Variants in DCC observed in about 807,000 individuals in gnomAD.
The protein encoded by DCC is netrin receptor DCC.
DCC carries 58 observed loss-of-function variants against 172.5 expected under a neutral mutation model. The ratio of observed to expected loss-of-function variants is 0.34; its 90% CI spans 0.27 to 0.42. The LOEUF (loss-of-function observed/expected upper bound fraction) is 0.42, where lower values mean the gene tolerates loss of function less well. DCC is among the 10% of genes least tolerant of loss of function. The probability of loss-of-function intolerance (pLI) is 1.00; values close to 1 mark genes in which losing one functional copy is unlikely to be tolerated. For missense variants in DCC, 1,740 were observed against 1,791.0 expected (o/e 0.97, Z 0.51); for synonymous variants, 709 against 644.5 (o/e 1.10, Z -1.52).
intron 7 of DCC, among the ~76,000 whole-genome samples, chr18:53,113,761 A>C (rs374568474): frequency 1.1e-4 from 16 of 151,500 alleles, no homozygotes; most frequent in African/African-American, 3.4e-4. Context: ...TAACAAACTA[A>C]TGGTAAATCC....
At chr18:52,856,464 A>C (rs2039054436) in intron 2 of DCC, among the ~76,000 whole-genome samples, 2 of 151,584 alleles carry the variant, frequency 1.3e-5, no homozygotes, top group Non-Finnish European at 2.9e-5. Flanking sequence ...TCTCTACTAA[A>C]AAATACAAAA....
intron 5 of DCC, among the ~76,000 whole-genome samples, chr18:52,926,790 TACAC>T (rs1462577994): frequency 6.8e-6 from 1 of 147,212 alleles, no homozygotes; most frequent in Non-Finnish European, 1.5e-5. Flanking sequence ...TCTATATATA[TACAC>T]ACACACATAT....
At chr18:53,298,114 A>G (rs975226390) in intron 12 of DCC, among the ~76,000 whole-genome samples, 2 of 152,178 alleles carry the variant, frequency 1.3e-5, no homozygotes, top group African/African-American at 4.8e-5. Flanking sequence ...AAAATTGTCA[A>G]AAACTATTAC....
chr18:53,192,534 G>A (rs902118560), intron 9 of DCC, among the ~76,000 whole-genome samples: 6 of 152,162 alleles, frequency 3.9e-5, no homozygotes, highest in Admixed American at 2.6e-4. Context: ...AGATGATCAC[G>A]AGATCTGGAG....
chr18:53,000,713 A>G (rs1290674617), intron 5 of DCC, among the ~76,000 whole-genome samples: 2 of 151,286 alleles, frequency 1.3e-5, no homozygotes, highest in African/African-American at 2.4e-5. Flanking sequence ...AGGGACAGGA[A>G]CTCAGTCAGA....
chr18:52,846,226 TGAA>T (rs1307383533), intron 2 of DCC, among the ~76,000 whole-genome samples: 2 of 152,014 alleles, frequency 1.3e-5, no homozygotes, highest in African/African-American at 2.4e-5. Context: ...AAGAGTTTAA[TGAA>T]GAAGTTCTGA....
Position 52,843,183 on chromosome 18 carries a change from T to C in DCC, c.413-62861T>C, listed in dbSNP as rs1367239363. Among the ~76,000 whole-genome samples the C allele has an allele frequency of 2.6e-5, 4 of 152,236 alleles. No individual in the cohort carries two copies. In the East Asian group the frequency reaches 7.7e-4, roughly 29 times the overall value. ...TTTTGCATATATTTGAAACAAATTA[T>C]TAGTTAAATGTATTAAAAATACAAC... On this transcript the variant is annotated intron_variant, in intron 2 of 28. Coordinates refer to ENST00000442544, the MANE Select transcript of DCC (RefSeq NM_005215.4).
At chr18:52,661,504 C>T (rs1272506690) in intron 1 of DCC, among the ~76,000 whole-genome samples, 3 of 152,174 alleles carry the variant, frequency 2.0e-5, no homozygotes, top group Non-Finnish European at 4.4e-5. Context: ...CGTCGCTATC[C>T]TCTGGGCTCT....
chr18:53,225,259 G>A (rs1260924782), intron 12 of DCC, among the ~76,000 whole-genome samples: 1 of 152,170 alleles, frequency 6.6e-6, no homozygotes, highest in Non-Finnish European at 1.5e-5. Context: ...GCTCTGAAGT[G>A]GAGTGAAGAG....
In DCC at chr18:53,307,897, GTATATATATATATATATATATA is replaced by G. The variant is rs771876514; in HGVS notation, c.2053+2210_2053+2231del. ...CTTCTGGAAAGCAATGTGTGTGTATGTATATATATATATATATATATATATATATATATATATATATATATAT... is the reference window on the plus strand; with the variant it reads ...CTTCTGGAAAGCAATGTGTGTGTATGTATATATATATATATATATATATAT... On this transcript the variant is annotated intron_variant, in intron 13 of 28. Coordinates refer to ENST00000442544, the MANE Select transcript of DCC (RefSeq NM_005215.4). Among the ~76,000 whole-genome samples the G allele has an allele frequency of 4.6e-3, 313 of 67,416 alleles. 10 individuals carry two copies. Among genetic ancestry groups the G allele is most frequent in the East Asian group, 0.03 (68 of 2,272 alleles). The allele number at this position is 67,416 out of a possible 152,430, so 44.2% of individuals were successfully genotyped here.
chr18:53,416,869 G>T (rs9807369), intron 21 of DCC, among the ~76,000 whole-genome samples: 65,358 of 151,734 alleles, frequency 0.43, 15,836 homozygotes, highest in Non-Finnish European at 0.55. Flanking sequence ...GATAAATTAG[G>T]ATTCCGTTAT....
chr18:52,975,426 A>T (rs2145594018), intron 5 of DCC, among the ~76,000 whole-genome samples: 1 of 152,162 alleles, frequency 6.6e-6, no homozygotes, highest in South Asian at 2.1e-4. Flanking sequence ...AACTTGTGTC[A>T]TGGGGGGTTG....
At chr18:52,441,061 C>T (rs1228821112) in intron 1 of DCC, among the ~76,000 whole-genome samples, 1 of 152,088 alleles carries the variant, frequency 6.6e-6, no homozygotes, top group Non-Finnish European at 1.5e-5. Flanking sequence ...TCAAGTTTGC[C>T]TTGAGGCTAT....
At chr18:52,859,451 C>T (rs1230824070) in intron 2 of DCC, among the ~76,000 whole-genome samples, 2 of 152,118 alleles carry the variant, frequency 1.3e-5, no homozygotes, top group African/African-American at 4.8e-5. Context: ...AGCTCGTATA[C>T]AATCTTGAGG....
intron 1 of DCC, among the ~76,000 whole-genome samples, chr18:52,558,455 T>A (rs2032964033): frequency 6.6e-6 from 1 of 152,192 alleles, no homozygotes; most frequent in Admixed American, 6.6e-5. Flanking sequence ...TATATTTTTC[T>A]TATTTATGGG....
intron 2 of DCC, among the ~76,000 whole-genome samples, chr18:52,843,742 G>A (rs564107779): frequency 6.6e-6 from 1 of 152,176 alleles, no homozygotes; most frequent in East Asian, 1.9e-4. Flanking sequence ...AACACATGCT[G>A]GTCATAATTG....
At chr18:52,479,880 C>T (rs768161642) in intron 1 of DCC, among the ~76,000 whole-genome samples, 3 of 152,048 alleles carry the variant, frequency 2.0e-5, no homozygotes, top group Admixed American at 6.6e-5. Context: ...AAGTATTTCA[C>T]GGACGACTTC....
At chr18:53,334,349 C>T (rs2057567902) in intron 14 of DCC, among the ~76,000 whole-genome samples, 2 of 152,234 alleles carry the variant, frequency 1.3e-5, no homozygotes, top group South Asian at 4.2e-4. Context: ...CTTGCCTTGC[C>T]TATAGTAACC....
chr18:53,515,284 T>C (rs1340399164), intron 27 of DCC, among the ~76,000 whole-genome samples: 1 of 151,542 alleles, frequency 6.6e-6, no homozygotes, highest in Non-Finnish European at 1.5e-5. Context: ...AATTAGGTAT[T>C]GATGGGACGT....
Sources: gnomAD v4.1 joint callset for allele counts (sites outside exome capture counted in the v4.1 genomes callset) on GRCh38, gnomAD v4.1.1 for gene constraint, MANE v1.5 for transcripts, NCBI Gene and HGNC (gene_info 2026-07-23, HGNC 2026-07-21) for gene names.